Variants in CARM1 observed in about 807,000 individuals in gnomAD.
CARM1 encodes the protein coactivator associated arginine methyltransferase 1.
In CARM1, 14 loss-of-function variants were observed where a neutral mutation model predicts 72.7. The ratio of observed to expected loss-of-function variants is 0.19; its 90% CI spans 0.13 to 0.30. The LOEUF (loss-of-function observed/expected upper bound fraction) is 0.30, where lower values mean the gene tolerates loss of function less well. Among genes scored for constraint, CARM1 ranks in the 10% least tolerant of loss-of-function variants. The probability of loss-of-function intolerance (pLI) is 1.00; values close to 1 mark genes in which losing one functional copy is unlikely to be tolerated. For synonymous variants in CARM1, 333 were observed against 345.5 expected (o/e 0.96, Z 0.40); for missense variants, 432 against 833.7 (o/e 0.52, Z 5.93).
At chr19:10,894,074 G>A (rs1268339036) in intron 1 of CARM1, among the ~76,000 whole-genome samples, 1 of 152,228 alleles carries the variant, frequency 6.6e-6, no homozygotes, top group Admixed American at 6.5e-5. Context: ...CCTCTGCCAG[G>A]GCAGTGGGGC....
chr19:10,882,508 G>A (rs1210683396), intron 1 of CARM1, among the ~76,000 whole-genome samples: 2 of 144,542 alleles, frequency 1.4e-5, no homozygotes, highest in Non-Finnish European at 3.0e-5. Flanking sequence ...GTCGGACACA[G>A]CCCCCCAATC....
intron 1 of CARM1, among the ~76,000 whole-genome samples, chr19:10,882,301 T>A (rs1308592640): frequency 6.6e-6 from 1 of 152,278 alleles, no homozygotes; most frequent in South Asian, 2.1e-4. Context: ...AAGGGACGCC[T>A]GTGATGGAGG....
intron 1 of CARM1, among the ~76,000 whole-genome samples, chr19:10,894,172 C>G (rs1031847751): frequency 6.6e-6 from 1 of 152,226 alleles, no homozygotes; most frequent in East Asian, 1.9e-4. Context: ...TTTCCCTCCT[C>G]TCAGCGCTTA....
chr19:10,907,643 C>G (rs571303874), intron 2 of CARM1, among the ~76,000 whole-genome samples: 2 of 152,294 alleles, frequency 1.3e-5, no homozygotes, highest in East Asian at 3.9e-4. Flanking sequence ...CTGGACATTG[C>G]AGTGTCTGCT....
chr19:10,915,204 G>A lies in CARM1; in HGVS notation c.847+1150G>A, dbSNP rs2074185592. On this transcript the variant is annotated intron_variant, in intron 6 of 15. Coordinates refer to ENST00000327064, the MANE Select transcript of CARM1 (RefSeq NM_199141.2). This position sits in a 1 kb window ranked among gnomAD's most constrained non-coding sequence, Gnocchi z 4.6. ...CAGCTGTGTCTCATGTCTTGGGTGT[G>A]AGTATGGGAAGCAAGGCTGCTCCAG... 1.3e-5 allele frequency among the ~76,000 whole-genome samples: 2 copies of A among 152,154 alleles called. No individual in the cohort carries two copies. Among genetic ancestry groups the A allele is most frequent in the African/African-American group, 4.8e-5 (2 of 41,442 alleles).
rs76320121 is a variant in CARM1, at chr19:10,898,277, A to T, written c.221-6674A>T. 4.5e-4 allele frequency among the ~76,000 whole-genome samples: 68 copies of T among 152,128 alleles called. 2 individuals carry two copies. The highest frequency in any genetic ancestry group is 2.3e-3 in the East Asian group (12 of 5,172). Reference sequence around the variant, plus strand: ...AGCTGAGATTTTGCCACTGCACTCCAGTCTAGGCGACAGAGTGAGACTTAG... The same window carrying T: ...AGCTGAGATTTTGCCACTGCACTCCTGTCTAGGCGACAGAGTGAGACTTAG... On this transcript the variant is annotated intron_variant, in intron 1 of 15. Coordinates refer to ENST00000327064, the MANE Select transcript of CARM1 (RefSeq NM_199141.2).
At chr19:10,875,341 T>A (rs2146295577) in intron 1 of CARM1, among the ~76,000 whole-genome samples, 1 of 152,234 alleles carries the variant, frequency 6.6e-6, no homozygotes, top group African/African-American at 2.4e-5. Context: ...CCTTTTTTTT[T>A]TAAAGTGAGA....
rs2074027849 is a variant in CARM1, at chr19:10,896,897, G to A, written c.221-8054G>A. On this transcript the variant is annotated intron_variant, in intron 1 of 15. Coordinates refer to ENST00000327064, the MANE Select transcript of CARM1 (RefSeq NM_199141.2). The surrounding 1 kb of genome is among the most constrained non-coding windows in gnomAD (Gnocchi z 5.2). ...TAGGGAAGTGGGTGGCGAGGATGCT[G>A]AGGGTCCAGCCTCTGCTCTGCACCT... is the stretch of plus-strand genomic sequence containing the variant. Among the ~76,000 whole-genome samples, 1 of 152,210 alleles carries A rather than the reference G, an allele frequency of 6.6e-6. No individual in the cohort carries two copies.
intron 1 of CARM1, among the ~76,000 whole-genome samples, chr19:10,889,563 A>C (rs559591826): frequency 6.7e-6 from 1 of 149,836 alleles, no homozygotes; most frequent in Non-Finnish European, 1.5e-5. Context: ...TCCTGGCCTC[A>C]GGTGATCCGC....
At chr19:10,880,932 G>A (rs1434654674) in intron 1 of CARM1, among the ~76,000 whole-genome samples, 3 of 147,990 alleles carry the variant, frequency 2.0e-5, no homozygotes, top group African/African-American at 8.0e-5. Context: ...GGAGGCCGAG[G>A]CAGCAGGGCG....
chr19:10,874,930 G>C (rs746572410), intron 1 of CARM1, among the ~76,000 whole-genome samples: 17 of 151,972 alleles, frequency 1.1e-4, no homozygotes, highest in Non-Finnish European at 2.4e-4. Context: ...AGGATGAGGT[G>C]GGAGGATCGC....
intron 2 of CARM1, among the ~76,000 whole-genome samples, chr19:10,906,049 A>G (rs2074101223): frequency 1.3e-5 from 2 of 149,692 alleles, no homozygotes; most frequent in African/African-American, 5.0e-5. Context: ...CCCGGGTTCA[A>G]GGCGATTCTT....
At chr19:10,876,589 C>T (rs909014479) in intron 1 of CARM1, among the ~76,000 whole-genome samples, 3 of 152,256 alleles carry the variant, frequency 2.0e-5, no homozygotes, top group Non-Finnish European at 4.4e-5. Flanking sequence ...CTGTCTCTGT[C>T]ACTCTGTAGT....
chr19:10,914,611 A>G (rs1275502570), intron 6 of CARM1, among the ~76,000 whole-genome samples: 1 of 152,086 alleles, frequency 6.6e-6, no homozygotes, highest in Non-Finnish European at 1.5e-5. Flanking sequence ...GCTGGAGTGC[A>G]GTGGTGCGAT....
At chr19:10,874,668 A>C (rs1363233618) in intron 1 of CARM1, among the ~76,000 whole-genome samples, 1 of 152,200 alleles carries the variant, frequency 6.6e-6, no homozygotes. Context: ...CTGGAATTAC[A>C]GGCATGAGCC....
chr19:10,919,772 G>A, intron 9 of CARM1, 92 bp downstream of exon 9: 21 of 1,498,992 alleles, frequency 1.4e-5, no homozygotes, highest in Middle Eastern at 1.7e-4. Flanking sequence ...CCGTCCCAGG[G>A]CAGATGGTGG....
intron 1 of CARM1, among the ~76,000 whole-genome samples, chr19:10,874,891 AC>A (rs1190819620): frequency 6.6e-6 from 1 of 152,068 alleles, no homozygotes; most frequent in Non-Finnish European, 1.5e-5. Flanking sequence ...GTGTGGTGGT[AC>A]CTGCGACTGT....
chr19:10,899,957 G>A (rs1315971272), intron 1 of CARM1, among the ~76,000 whole-genome samples: 3 of 152,066 alleles, frequency 2.0e-5, no homozygotes, highest in African/African-American at 4.8e-5. Context: ...CTGGGTTCAA[G>A]TGATCCGCCC....
At chr19:10,880,060 C>G (rs1449915366) in intron 1 of CARM1, among the ~76,000 whole-genome samples, 1 of 152,188 alleles carries the variant, frequency 6.6e-6, no homozygotes, top group Non-Finnish European at 1.5e-5. Context: ...TTGCTAATGA[C>G]TTTGAGATGC....
Sources: allele counts gnomAD v4.1 joint callset (sites outside exome capture counted in the v4.1 genomes callset), GRCh38; gene constraint gnomAD v4.1.1; non-coding constraint Gnocchi (gnomAD v3.1); transcripts MANE v1.5; gene names NCBI Gene and HGNC (gene_info 2026-07-23, HGNC 2026-07-21).